The following ITPRID1 variants were observed in gnomAD, a reference collection of about 807,000 sequenced individuals.
ITPRID1 encodes the protein protein ITPRID1.
Under a neutral mutation model 95.4 loss-of-function variants are expected in ITPRID1, and 96 were observed. The ratio of observed to expected loss-of-function variants is 1.01; its 90% CI spans 0.85 to 1.19. The LOEUF (loss-of-function observed/expected upper bound fraction) is 1.19. Ranked by LOEUF, ITPRID1 falls within the 50% of genes most tolerant of loss-of-function variation. The pLI is 0.00. For synonymous variants in ITPRID1, 510 were observed against 453.6 expected (o/e 1.12, Z -1.58); for missense variants, 1,339 against 1,252.9 (o/e 1.07, Z -1.04).
chr7:31,525,421 A>G (rs899637368), intron 1 of ITPRID1, among the ~76,000 whole-genome samples: 11 of 152,222 alleles, frequency 7.2e-5, no homozygotes, highest in Non-Finnish European at 1.5e-5. Flanking sequence ...GCGACAATCA[A>G]AAATGTCTCT....
chr7:31,582,901 A>G (rs1418343018), intron 9 of ITPRID1, among the ~76,000 whole-genome samples: 1 of 152,154 alleles, frequency 6.6e-6, no homozygotes, highest in Non-Finnish European at 1.5e-5. Context: ...CACATCTTCC[A>G]GAAGAAGCAC....
At chr7:31,590,052 G>GTATATA (rs559863071) in intron 10 of ITPRID1, among the ~76,000 whole-genome samples, 1 of 151,982 alleles carries the variant, frequency 6.6e-6, no homozygotes, top group African/African-American at 2.4e-5. Context: ...ATATATGTGT[G>GTATATA]TATATATATA....
chr7:31,565,696 C>G (rs533794647), intron 5 of ITPRID1, among the ~76,000 whole-genome samples: 1 of 152,150 alleles, frequency 6.6e-6, no homozygotes, highest in South Asian at 2.1e-4. Context: ...TGAGATCACA[C>G]CACTGCACTC....
At chr7:31,525,440 C>A (rs1214519260) in intron 1 of ITPRID1, among the ~76,000 whole-genome samples, 3 of 152,170 alleles carry the variant, frequency 2.0e-5, no homozygotes, top group Non-Finnish European at 4.4e-5. Flanking sequence ...CTAGACATTG[C>A]CAAAGGTCCC....
chr7:31,589,702 T>C (rs1785780160), intron 10 of ITPRID1, among the ~76,000 whole-genome samples: 1 of 152,146 alleles, frequency 6.6e-6, no homozygotes, highest in Non-Finnish European at 1.5e-5. Flanking sequence ...GCCAGAAATA[T>C]ACATGCAGCA....
At chr7:31,568,536 G>C (rs987611086) in intron 5 of ITPRID1, among the ~76,000 whole-genome samples, 1 of 152,096 alleles carries the variant, frequency 6.6e-6, no homozygotes, top group Non-Finnish European at 1.5e-5. Context: ...ACAAGTAAGC[G>C]GAAATAAGAA....
chr7:31,589,259 C>A (rs967559394), intron 10 of ITPRID1, among the ~76,000 whole-genome samples: 1 of 151,964 alleles, frequency 6.6e-6, no homozygotes, highest in Non-Finnish European at 1.5e-5. Flanking sequence ...TATCTATAGA[C>A]GTTATCCAAC....
intron 10 of ITPRID1, among the ~76,000 whole-genome samples, chr7:31,619,295 A>G (rs1055466624): frequency 2.0e-5 from 3 of 152,218 alleles, no homozygotes; most frequent in East Asian, 1.9e-4. Context: ...ATATGAGAAA[A>G]GAAAGGTCCA....
intron 10 of ITPRID1, among the ~76,000 whole-genome samples, chr7:31,589,075 G>A (rs1456313795): frequency 6.6e-6 from 1 of 151,812 alleles, no homozygotes; most frequent in African/African-American, 2.4e-5. Flanking sequence ...TTATGCTGAA[G>A]GATGTAGAGG....
intron 10 of ITPRID1, among the ~76,000 whole-genome samples, chr7:31,586,713 T>G (rs1304346681): frequency 1.3e-5 from 2 of 152,164 alleles, no homozygotes; most frequent in African/African-American, 2.4e-5. Context: ...TAAATTTGTT[T>G]GAGTTCATTG....
intron 10 of ITPRID1, among the ~76,000 whole-genome samples, chr7:31,586,863 T>G (rs1264100704): frequency 6.6e-6 from 1 of 151,774 alleles, no homozygotes; most frequent in Non-Finnish European, 1.5e-5. Flanking sequence ...CATTTGTCAA[T>G]TTTGTCTTTT....
intron 10 of ITPRID1, among the ~76,000 whole-genome samples, chr7:31,583,816 TA>T (rs774585589): frequency 1.3e-5 from 2 of 151,840 alleles, no homozygotes; most frequent in Non-Finnish European, 2.9e-5. Context: ...GGGGAGGGGG[TA>T]CTTTTTCACT....
At chr7:31,521,904 ATTTTTTTT>A (rs55777151) in intron 1 of ITPRID1, among the ~76,000 whole-genome samples, 41 of 119,012 alleles carry the variant, frequency 3.4e-4, no homozygotes, top group African/African-American at 6.0e-4. Flanking sequence ...GGCTAATTTA[ATTTTTTTT>A]TTTTTTTTTT....
intron 6 of ITPRID1, among the ~76,000 whole-genome samples, chr7:31,571,881 C>T (rs1474536191): frequency 6.6e-6 from 1 of 152,138 alleles, no homozygotes; most frequent in African/African-American, 2.4e-5. Context: ...CTAGCGGGCA[C>T]CTAATGCTTA....
chr7:31,641,235 CA>C (rs1789986550), intron 10 of ITPRID1, among the ~76,000 whole-genome samples: 1 of 152,178 alleles, frequency 6.6e-6, no homozygotes, highest in Admixed American at 6.5e-5. Context: ...GTTGTTCAAG[CA>C]AAGGCAAATC....
At position 31,628,779 on chromosome 7, in the gene ITPRID1, T is replaced by C. The variant is rs186730802; in HGVS notation, c.1229-13397T>C. ...CCTGAGCGTGATTCTTGATGGAAAC[T>C]TTAGTTCTTCAGCTTGGTAACTACG... is the stretch of plus-strand genomic sequence containing the variant. On this transcript the variant is annotated intron_variant, in intron 10 of 14. Transcript: ENST00000615280. 2.0e-3 allele frequency among the ~76,000 whole-genome samples: 307 copies of C among 152,258 alleles called. 2 individuals carry two copies. The highest frequency in any genetic ancestry group is 7.0e-3 in the African/African-American group (292 of 41,570).
chr7:31,621,016 GATGAAATGA>G (rs1419122128), intron 10 of ITPRID1, among the ~76,000 whole-genome samples: 3 of 151,736 alleles, frequency 2.0e-5, no homozygotes, highest in South Asian at 2.1e-4. Flanking sequence ...AGTGATGGAA[GATGAAATGA>G]ATGAAATGAA....
chr7:31,553,041 CA>C lies in ITPRID1; in HGVS notation c.18del (p.Gln7LysfsTer18), dbSNP rs780268733. On this transcript the variant is annotated frameshift_variant, in exon 3 of 15. Transcript: ENST00000615280. LOFTEE classifies it high-confidence loss of function. MMAQK[S>X]QGSDNLQEGQ... ...TACTCTCCTATGATGGCACAGAAAT[CA>C]CAAGGATCTGACAACCTTCAGGAAG... The C allele has an allele frequency of 1.2e-6, 2 of 1,609,932 alleles. No homozygotes were observed. The highest frequency in any genetic ancestry group is 8.5e-7 in the Non-Finnish European group (1 of 1,178,004).
intron 10 of ITPRID1, among the ~76,000 whole-genome samples, chr7:31,629,203 C>T (rs1266933507): frequency 1.3e-5 from 2 of 152,140 alleles, no homozygotes; most frequent in Non-Finnish European, 2.9e-5. Flanking sequence ...TATTCAAAAT[C>T]GGATCTGCCC....
Sources: gnomAD v4.1 joint callset for allele counts (sites outside exome capture counted in the v4.1 genomes callset) on GRCh38, gnomAD v4.1.1 for gene constraint, MANE v1.5 for transcripts, NCBI Gene and HGNC (gene_info 2026-07-23, HGNC 2026-07-21) for gene names.